Variants in WASHC2C observed in about 807,000 individuals in gnomAD.
WASHC2C encodes WASH complex subunit 2C.
Under a neutral mutation model 142.2 loss-of-function variants are expected in WASHC2C, and 73 were observed. That is an observed-to-expected ratio of 0.51 (90% CI 0.43 to 0.62). The LOEUF is 0.62. Among genes scored for constraint, WASHC2C ranks in the 20% least tolerant of loss-of-function variants. The pLI is 0.00. For synonymous variants in WASHC2C, 337 were observed against 565.5 expected (o/e 0.60, Z 5.73); for missense variants, 969 against 1,531.7 (o/e 0.63, Z 6.13).
chr10:45,735,993 G>C (rs2051178924), intron 3 of WASHC2C, among the ~76,000 whole-genome samples: 1 of 152,000 alleles, frequency 6.6e-6, no homozygotes, highest in Admixed American at 6.6e-5. Flanking sequence ...TTTCAGCCAG[G>C]CACAATGGCT....
At chr10:45,761,881 G>A (rs1331746157) in intron 17 of WASHC2C, among the ~76,000 whole-genome samples, 2 of 152,048 alleles carry the variant, frequency 1.3e-5, no homozygotes, top group Admixed American at 6.6e-5. Context: ...AATCCCCCAC[G>A]TGGCCTCTTC....
chr10:45,746,787 T>C (rs1176426891), intron 8 of WASHC2C, 140 bp downstream of exon 8: 2 of 1,219,966 alleles, frequency 1.6e-6, no homozygotes, highest in Non-Finnish European at 2.4e-6. Context: ...AAGCATTTCA[T>C]GTATTTAGGC....
At chr10:45,730,683 G>A (rs1169204700) in intron 3 of WASHC2C, among the ~76,000 whole-genome samples, 2 of 150,472 alleles carry the variant, frequency 1.3e-5, no homozygotes. Context: ...GCAGTGGTGC[G>A]ATCTCCGCTC....
chr10:45,745,694 A>G (rs1278780469), intron 7 of WASHC2C, among the ~76,000 whole-genome samples: 4 of 151,810 alleles, frequency 2.6e-5, no homozygotes, highest in South Asian at 2.1e-4. Flanking sequence ...TGGCACTTCT[A>G]TGTGGCACTT....
chr10:45,783,768 T>A (rs2057705914), intron 23 of WASHC2C, among the ~76,000 whole-genome samples: 2 of 152,338 alleles, frequency 1.3e-5, no homozygotes, highest in South Asian at 4.1e-4. Flanking sequence ...GCCTTTTTGT[T>A]AAGTTTTAAT....
At chr10:45,785,798 C>A in intron 26 of WASHC2C, 167 bp downstream of exon 26, 2 of 1,216,554 alleles carry the variant, frequency 1.6e-6, no homozygotes, top group Non-Finnish European at 2.3e-6. Flanking sequence ...TCTCCCCTCT[C>A]CTCACTCCAC....
Position 45,792,479 on chromosome 10 carries a change from A to C in WASHC2C, c.*79A>C. 1.3e-6 allele frequency: 2 copies of C among 1,545,226 alleles called. 1 individual carries two copies. Among genetic ancestry groups the C allele is most frequent in the Non-Finnish European group, 1.8e-6 (2 of 1,136,232 alleles). On this transcript the variant is annotated 3_prime_UTR_variant, in exon 31 of 31. Coordinates refer to ENST00000623400, the MANE Select transcript of WASHC2C (RefSeq NM_001330074.2). The stretch of plus-strand genomic sequence containing the variant: ...GATATTGTATATGCTCATGGTCTTA[A>C]CTGGATTACAAAAAGCAAATACTAG...
chr10:45,785,685 A>G, intron 26 of WASHC2C, 54 bp downstream of exon 26: 1 of 1,611,354 alleles, frequency 6.2e-7, no homozygotes, highest in Middle Eastern at 2.2e-4. Flanking sequence ...CAGTACAGAG[A>G]AATTCCATTA....
In WASHC2C at chr10:45,750,924, T is replaced by C. The variant is rs533403811; in HGVS notation, c.931+86T>C. 1.3e-3 allele frequency: 1,422 copies of C among 1,094,340 alleles called. 10 individuals are homozygous for C. The African/African-American group carries it at 0.015, about 12-fold the overall frequency. The allele number at this position is 1,094,340 out of a possible 1,614,324, so 67.8% of individuals were successfully genotyped here. On this transcript the variant is annotated intron_variant, in intron 10 of 30. Coordinates refer to ENST00000623400, the MANE Select transcript of WASHC2C (RefSeq NM_001330074.2). ...TTCACCAAAGGCGGATTTCTCTTTT[T>C]ATTAGTAATTACTACATATATTTAT... is the stretch of plus-strand genomic sequence containing the variant.
In WASHC2C at chr10:45,728,804, A is replaced by T; in HGVS notation, c.127-58A>T. ...AGGAAATGGGTTCTTTTTTGATGTG[A>T]CATGCAGAATAGTTACATGTAACAT... On this transcript the variant is annotated intron_variant, in intron 2 of 30. Transcript: ENST00000623400. 3 of 1,550,632 alleles carry T rather than the reference A, an allele frequency of 1.9e-6. No homozygotes were observed. The South Asian group carries it at 3.6e-5, about 19-fold the overall frequency.
chr10:45,788,570 T>C (rs1178351431), intron 28 of WASHC2C, among the ~76,000 whole-genome samples: 1 of 152,128 alleles, frequency 6.6e-6, no homozygotes, highest in Non-Finnish European at 1.5e-5. Flanking sequence ...CATGCCTACT[T>C]TCCAGGTTTC....
intron 17 of WASHC2C, 134 bp downstream of exon 17, chr10:45,759,535 AGAGGC>A (rs2054813063): frequency 6.8e-7 from 1 of 1,472,532 alleles, no homozygotes; most frequent in African/African-American, 1.5e-5. Flanking sequence ...AATTATCTCT[AGAGGC>A]AAGGAGTGGT....
rs531494994 is a variant in WASHC2C at position 45,769,638 on chromosome 10, G to T, written c.2039+20G>T. On this transcript the variant is annotated intron_variant, in intron 20 of 30. Coordinates refer to ENST00000623400, the MANE Select transcript of WASHC2C (RefSeq NM_001330074.2). Reference sequence around the variant, plus strand: ...GGACAGGTGAGATAGTCATTGGAAGGAGTCCCTCACTCCATTACCGTGGTA... The same window carrying T: ...GGACAGGTGAGATAGTCATTGGAAGTAGTCCCTCACTCCATTACCGTGGTA... 6.2e-7 allele frequency: 1 copy of T among 1,611,858 alleles called. No individual in the cohort carries two copies. Among genetic ancestry groups the T allele is most frequent in the African/African-American group, 1.3e-5 (1 of 74,926 alleles).
At chr10:45,761,109 C>T (rs1213068565) in intron 17 of WASHC2C, among the ~76,000 whole-genome samples, 9 of 151,698 alleles carry the variant, frequency 5.9e-5, no homozygotes, top group Admixed American at 5.9e-4. Context: ...CTGGGCTTAG[C>T]TAGGCCGTTG....
chr10:45,735,642 T>C (rs2051134357), intron 3 of WASHC2C, among the ~76,000 whole-genome samples: 1 of 152,266 alleles, frequency 6.6e-6, no homozygotes, highest in Non-Finnish European at 1.5e-5. Flanking sequence ...ATTTGTGACT[T>C]TCTGCTGGAA....
At chr10:45,764,337 G>A (rs1179382663) in intron 18 of WASHC2C, among the ~76,000 whole-genome samples, 2 of 149,810 alleles carry the variant, frequency 1.3e-5, no homozygotes, top group African/African-American at 5.0e-5. Context: ...TCAAATTGTT[G>A]CAAATGTCCA....
chr10:45,729,101 G>T, intron 3 of WASHC2C, 75 bp downstream of exon 3: 1 of 1,425,184 alleles, frequency 7.0e-7, no homozygotes. Flanking sequence ...CTTACTGTTA[G>T]GTTCCCTCCT....
rs201608851 is a variant in WASHC2C at position 45,786,663 on chromosome 10, G to T, written c.2863G>T (p.Gly955Trp). The change falls in exon 27 of 31, where the codon GGG becomes TGG. Residue 955 changes from glycine to tryptophan, a missense_variant. Physicochemically the swap from Gly to Trp is radical, Grantham distance 184. Transcript: ENST00000623400. ...AACCAAAGAACCATCCACTCGGATC[G>T]GGAAGATACAAGTAATTAAAACACT... ...FKTKEPSTRI[G>W]KIQANLAINP... is the part of the protein sequence containing the mutation. 5.1e-4 allele frequency: 830 copies of T among 1,611,752 alleles called. No homozygotes were observed. The highest frequency in any genetic ancestry group is 1.6e-3 in the Middle Eastern group (7 of 4,430).
At chr10:45,789,655 C>G (rs1285818716) in intron 29 of WASHC2C, among the ~76,000 whole-genome samples, 164 bp downstream of exon 29, 1 of 152,212 alleles carries the variant, frequency 6.6e-6, no homozygotes, top group Non-Finnish European at 1.5e-5. Flanking sequence ...AACATTGATT[C>G]AGAAGTGGTT....
Sources: allele counts gnomAD v4.1 joint callset (sites outside exome capture counted in the v4.1 genomes callset), GRCh38; gene constraint gnomAD v4.1.1; transcripts MANE v1.5; gene names NCBI Gene and HGNC (gene_info 2026-07-23, HGNC 2026-07-21).